MYO18B: variants seen among roughly 807,000 people sequenced by gnomAD.
The protein encoded by MYO18B is myosin XVIIIB, also known as unconventional myosin-XVIIIb.
MYO18B carries 204 observed loss-of-function variants against 273.0 expected under a neutral mutation model. That is an observed-to-expected ratio of 0.75 (90% CI 0.67 to 0.84). MYO18B has a LOEUF of 0.84. MYO18B is among the 40% of genes least tolerant of loss of function. The pLI is 0.00. For synonymous variants in MYO18B, 1,330 were observed against 1,305.7 expected, an observed-to-expected ratio of 1.02 and a Z score of -0.40; for missense variants, 3,212 against 3,287.6, an observed-to-expected ratio of 0.98 and a Z score of 0.56.
chr22:26,060,034 A>ATTAGCCTTGTGAT, the MYO18B span, among the ~76,000 whole-genome samples: 1 of 152,226 alleles, frequency 6.6e-6, no homozygotes, highest in Non-Finnish European at 1.5e-5. Context: ...TGATTATTTT[A>ATTAGCCTTGTGAT]TTAGCCTTGT....
rs150530817 is a variant in MYO18B, at chr22:25,955,287, C to T, written c.6079C>T (p.Arg2027Cys). 7.8e-4 allele frequency: 1,258 copies of T among 1,613,692 alleles called. 9 individuals are homozygous for T. The African/African-American group carries it at 0.013, about 16-fold the overall frequency. The change falls in exon 39 of 44, where the codon CGC becomes TGC. Residue 2027 changes from arginine (R) to cysteine (C), a missense_variant. Physicochemically the swap from Arg to Cys is radical, Grantham distance 180 (BLOSUM62 -3). Transcript: ENST00000335473. The part of the protein sequence containing the change: ...QRESSQYYQR[R>C]LEELKADMEE... ...GGAGAGCAGCCAGTACTACCAGCGG[C>T]GCCTGGAAGAGCTGAAGGCCGACAT...
intron 1 of MYO18B, among the ~76,000 whole-genome samples, chr22:25,744,590 C>T (rs935806860): frequency 3.9e-5 from 6 of 151,980 alleles, no homozygotes; most frequent in African/African-American, 7.2e-5. Context: ...AAAAATTAGC[C>T]GGGCGTGGTG....
At chr22:25,832,799 G>A (rs1176466880) in intron 15 of MYO18B, 118 bp from the exon 16 acceptor site, 12 of 841,266 alleles carry the variant, frequency 1.4e-5, no homozygotes, top group South Asian at 3.6e-5. Flanking sequence ...TTAAAAAAAC[G>A]ATTTTTTTAA....
At chr22:25,940,676 C>T (rs889810603) in intron 34 of MYO18B, among the ~76,000 whole-genome samples, 3 of 152,166 alleles carry the variant, frequency 2.0e-5, no homozygotes, top group Non-Finnish European at 4.4e-5. Flanking sequence ...ACCTCTCCTT[C>T]CCTCCCATTC....
At chr22:25,884,748 G>A (rs975127151) in intron 25 of MYO18B, 8 of 152,182 alleles carry the variant, frequency 5.3e-5, no homozygotes, top group South Asian at 4.1e-4. Flanking sequence ...GCAGAGGGTC[G>A]AGCCAGCTTG....
chr22:25,920,712 G>A (rs566140121), intron 33 of MYO18B, among the ~76,000 whole-genome samples: 43 of 152,300 alleles, frequency 2.8e-4, no homozygotes, highest in Non-Finnish European at 5.7e-4. Flanking sequence ...AGAGTACTCC[G>A]TATCCCACGT....
intron 39 of MYO18B, among the ~76,000 whole-genome samples, chr22:25,975,363 G>A (rs527649812): frequency 6.6e-6 from 1 of 152,216 alleles, no homozygotes; most frequent in South Asian, 2.1e-4. Context: ...TTTATGTTCC[G>A]CCGCTGTGAG....
rs200457838 is a variant in MYO18B, at chr22:25,769,238, G to A, written c.1322G>A (p.Arg441His). ...GGGAAGGGAGGCTGGCCAGGAAGCC[G>A]TGGGCAGGAAGCAGAGGAGCCCTGC... ...APGKGGWPGS[R>H]GQEAEEPCSR... is the part of the protein sequence containing the mutation. Residue 441 changes from arginine (R) to histidine (H), a missense_variant, in exon 4 of 44, where the codon CGT (arginine) becomes CAT (histidine). Coordinates refer to ENST00000335473, the MANE Select transcript of MYO18B (RefSeq NM_032608.7). The A allele has an allele frequency of 5.5e-4, 876 of 1,599,132 alleles. 1 individual carries two copies. Among genetic ancestry groups the A allele is most frequent in the Non-Finnish European group, 6.6e-4 (780 of 1,173,164 alleles).
chr22:25,751,965 T>C (rs1339044818), intron 1 of MYO18B, among the ~76,000 whole-genome samples: 1 of 152,126 alleles, frequency 6.6e-6, no homozygotes, highest in Non-Finnish European at 1.5e-5. Context: ...ACTGCACGGC[T>C]AGGAAAACTG....
chr22:26,005,012 G>A (rs569464523), intron 42 of MYO18B, among the ~76,000 whole-genome samples, 157 bp downstream of exon 42: 12 of 152,312 alleles, frequency 7.9e-5, no homozygotes, highest in Admixed American at 1.3e-4. Context: ...CTAGCTGTGT[G>A]ACTTTAGGCA....
chr22:25,933,870 G>A (rs2092543307), intron 34 of MYO18B, among the ~76,000 whole-genome samples: 1 of 152,128 alleles, frequency 6.6e-6, no homozygotes, highest in Non-Finnish European at 1.5e-5. Flanking sequence ...GTATCTCTGG[G>A]TCATAGTACA....
chr22:26,014,225 A>G (rs903805444), intron 42 of MYO18B, among the ~76,000 whole-genome samples: 6 of 152,206 alleles, frequency 3.9e-5, no homozygotes, highest in Non-Finnish European at 8.8e-5. Context: ...ACTCTTTTCC[A>G]TATAGATATT....
At chr22:26,038,513 C>A in the MYO18B span, among the ~76,000 whole-genome samples, 1 of 152,150 alleles carries the variant, frequency 6.6e-6, no homozygotes, top group African/African-American at 2.4e-5. Flanking sequence ...ATACTCCATG[C>A]CCATGGAGTC....
chr22:25,783,106 C>T lies in MYO18B; in HGVS notation c.2312+1272C>T, dbSNP rs1055967862. Among the ~76,000 whole-genome samples, 13 of 152,164 alleles carry T rather than the reference C, an allele frequency of 8.5e-5. 1 individual carries two copies. In the South Asian group the frequency reaches 2.7e-3, roughly 31 times the overall value. On this transcript the variant is annotated intron_variant, in intron 10 of 43. Transcript: ENST00000335473. ...AGACAATACTTCTTAAAATAGTGCC[C>T]GGACATAGCAAATGCTTTGTGTGTG...
chr22:25,823,163 G>C (rs147746239), intron 12 of MYO18B, among the ~76,000 whole-genome samples: 1 of 152,194 alleles, frequency 6.6e-6, no homozygotes, highest in African/African-American at 2.4e-5. Context: ...TGCATGCCTG[G>C]ATGGGTAGGT....
rs547186536 is a variant in MYO18B, at chr22:26,015,634, A to G, written c.6470+10779A>G. 4.6e-5 allele frequency among the ~76,000 whole-genome samples: 7 copies of G among 152,254 alleles called. No homozygotes were observed. The South Asian group carries it at 1.5e-3, about 32-fold the overall frequency. On this transcript the variant is annotated intron_variant, in intron 42 of 43. Transcript: ENST00000335473. Reference sequence around the variant, plus strand: ...ATGGACACATAGAGGGGAACAACACACACTGGGGCCTATCAGAAGGTGGAG... The same window carrying G: ...ATGGACACATAGAGGGGAACAACACGCACTGGGGCCTATCAGAAGGTGGAG...
At chr22:25,839,133 T>C (rs75579801) in intron 17 of MYO18B, among the ~76,000 whole-genome samples, 1,922 of 150,940 alleles carry the variant, frequency 0.013, 35 homozygotes, top group African/African-American at 0.045. Context: ...AGTGTTTGTG[T>C]ATATGTGTAT....
chr22:25,742,649 ATAT>A (rs2085661532), intron 1 of MYO18B, among the ~76,000 whole-genome samples: 1 of 152,152 alleles, frequency 6.6e-6, no homozygotes, highest in African/African-American at 2.4e-5. Flanking sequence ...GTCAGGGTTT[ATAT>A]TTTTCCTCAA....
rs61736706 is a variant in MYO18B at position 25,761,063 on chromosome 22, A to T, written c.-30A>T. The T allele has an allele frequency of 1.9e-6, 3 of 1,612,654 alleles. No homozygotes were observed. Among genetic ancestry groups the T allele is most frequent in the Non-Finnish European group, 2.5e-6 (3 of 1,179,614 alleles). On this transcript the variant is annotated 5_prime_UTR_variant, in exon 2 of 44. Transcript: ENST00000335473. ...CTGGCAGGAAGCTCCATCTCATCTC[A>T]TCATCTCACGGCCCTGGCACTGCCT...
Sources: gnomAD v4.1 joint callset for allele counts (sites outside exome capture counted in the v4.1 genomes callset) on GRCh38, gnomAD v4.1.1 for gene constraint, MANE v1.5 for transcripts, NCBI Gene and HGNC (gene_info 2026-07-23, HGNC 2026-07-21) for gene names.